The following DAPK3 variants were observed in gnomAD, a reference collection of about 807,000 sequenced individuals.
DAPK3 encodes the protein death-associated protein kinase 3.
A neutral mutation model predicts 30.6 loss-of-function variants in DAPK3; 24 were observed. That is an observed-to-expected ratio of 0.78 (90% CI 0.57 to 1.10). The LOEUF (loss-of-function observed/expected upper bound fraction) is 1.10, where lower values mean the gene tolerates loss of function less well. Ranked by LOEUF, DAPK3 falls within the 50% of genes least tolerant of loss-of-function variation. The pLI is 0.00. For synonymous variants in DAPK3, 341 were observed against 284.0 expected (o/e 1.20, Z -2.02); for missense variants, 629 against 657.3 (o/e 0.96, Z 0.47).
At chr19:3,961,191 G>A (rs1296846959) in intron 6 of DAPK3, 30 bp from the exon 7 acceptor site, 2 of 1,589,536 alleles carry the variant, frequency 1.3e-6, no homozygotes. Flanking sequence ...GCTCAGTGGG[G>A]TCCTGGGCTC....
At chr19:3,960,255 G>C (rs1277740933) in intron 7 of DAPK3, 151 bp from the exon 8 acceptor site, 12 of 613,204 alleles carry the variant, frequency 2.0e-5, no homozygotes, top group East Asian at 5.9e-5. Flanking sequence ...ACTGCAGGGA[G>C]CGTGGGGTTT....
At position 3,971,034 on chromosome 19, in the gene DAPK3, G is replaced by T. The variant is rs1159534228; in HGVS notation, c.-208C>A. ...GCCCGCTCTTTACCCTCCGCAGCCC[G>T]GAGAATACGGCCGGCGCCGCCGCGC... On this transcript the variant is annotated 5_prime_UTR_variant, in exon 1 of 9. Transcript: ENST00000545797. 2 of 153,296 alleles carry T rather than the reference G, an allele frequency of 1.3e-5. No homozygotes were observed. The highest frequency in any genetic ancestry group is 1.8e-4 in the South Asian group (1 of 5,470). 9.5% of individuals were successfully genotyped at this position (153,296 alleles called of 1,614,324 possible). A position where few individuals can be genotyped will look rare whatever the true frequency, so the allele number is the denominator to read the frequency against.
chr19:3,961,780 G>A (rs1568191135), intron 6 of DAPK3: 2 of 318,884 alleles, frequency 6.3e-6, no homozygotes, highest in African/African-American at 2.2e-5. Context: ...CGAAGGAGCT[G>A]AATGGCTAAA....
chr19:3,962,331 G>A (rs1018255871), intron 6 of DAPK3, among the ~76,000 whole-genome samples: 5 of 152,214 alleles, frequency 3.3e-5, no homozygotes, highest in African/African-American at 1.2e-4. Flanking sequence ...GAATACAAAC[G>A]GTCTAGCCCA....
chr19:3,967,445 T>C (rs1196959711), intron 2 of DAPK3, among the ~76,000 whole-genome samples: 1 of 149,416 alleles, frequency 6.7e-6, no homozygotes, highest in Non-Finnish European at 1.5e-5. Context: ...ACTGCAAGAC[T>C]CCGTCTCAAA....
intron 1 of DAPK3, among the ~76,000 whole-genome samples, chr19:3,970,168 ACCATT>A (rs1421952822): frequency 1.3e-5 from 2 of 151,962 alleles, no homozygotes; most frequent in African/African-American, 4.8e-5. Context: ...AAAATCCCCC[ACCATT>A]CCTGCACGTT....
intron 2 of DAPK3, 44 bp from the exon 3 acceptor site, chr19:3,965,035 GGAGT>G (rs746324551): frequency 1.5e-5 from 16 of 1,065,240 alleles, no homozygotes; most frequent in Non-Finnish European, 2.3e-5. Flanking sequence ...GGAGGCGGAG[GGAGT>G]AAGTGGGGGT....
intron 6 of DAPK3, among the ~76,000 whole-genome samples, chr19:3,962,092 C>A (rs892926993): frequency 6.6e-6 from 1 of 152,174 alleles, no homozygotes; most frequent in Admixed American, 6.6e-5. Context: ...GCCCTGACCT[C>A]GTGATCTGCC....
At chr19:3,964,041 G>C (rs931762894) in intron 4 of DAPK3, 122 bp from the exon 5 acceptor site, 1 of 821,556 alleles carries the variant, frequency 1.2e-6, no homozygotes, top group East Asian at 2.7e-5. Context: ...GAATGCGGCA[G>C]AGCTGGCCCT....
intron 2 of DAPK3, among the ~76,000 whole-genome samples, chr19:3,966,436 A>G (rs896931362): frequency 2.6e-5 from 4 of 152,172 alleles, no homozygotes; most frequent in Non-Finnish European, 5.9e-5. Flanking sequence ...GGTCCAGTCC[A>G]CAGGGCTCTG....
intron 2 of DAPK3, among the ~76,000 whole-genome samples, chr19:3,968,572 A>G (rs2039602868): frequency 1.3e-5 from 2 of 152,218 alleles, no homozygotes; most frequent in African/African-American, 4.8e-5. Context: ...CAATGAATTA[A>G]TTCCTAGAGG....
At chr19:3,962,965 G>A (rs950404268) in intron 6 of DAPK3, among the ~76,000 whole-genome samples, 1 of 152,044 alleles carries the variant, frequency 6.6e-6, no homozygotes, top group African/African-American at 2.4e-5. Context: ...AGCTGGGCAT[G>A]GTGGTGGGCG....
intron 8 of DAPK3, 150 bp from the exon 9 acceptor site, chr19:3,959,787 A>G: frequency 1.1e-6 from 1 of 945,862 alleles, no homozygotes; most frequent in Non-Finnish European, 1.5e-6. Flanking sequence ...CGCAAAGCCG[A>G]GAGTGCTCTC....
chr19:3,959,130 G>A lies in DAPK3; in HGVS notation c.1336C>T (p.Leu446=), dbSNP rs1444355082. ...DLVRALEQEK[L]QGVECGLR is the part of the protein sequence containing the mutation. The stretch of plus-strand genomic sequence containing the variant: ...CGCAGCCCGCACTCCACGCCCTGCA[G>A]CTTCTCCTGCTCCAGGGCGCGCACG... The change falls in exon 9 of 9, where the codon CTG becomes TTG. Residue 446 remains leucine, a synonymous_variant. Coordinates refer to ENST00000545797, the MANE Select transcript of DAPK3 (RefSeq NM_001348.3). The A allele has an allele frequency of 4.4e-6, 7 of 1,575,108 alleles. No homozygotes were observed. The African/African-American group carries it at 8.1e-5, about 18-fold the overall frequency.
chr19:3,961,890 GCT>G (rs1371192359), intron 6 of DAPK3: 1 of 202,320 alleles, frequency 4.9e-6, no homozygotes, highest in Non-Finnish European at 1.0e-5. Context: ...ACGGAGTCTC[GCT>G]CTGTCACCCA....
chr19:3,961,416 A>G, intron 6 of DAPK3: 1 of 631,550 alleles, frequency 1.6e-6, no homozygotes, highest in East Asian at 3.6e-5. Flanking sequence ...GGAGACTCGA[A>G]GTATCTGTGC....
chr19:3,963,969 G>A (rs1388784143), intron 4 of DAPK3, 50 bp from the exon 5 acceptor site: 2 of 1,252,248 alleles, frequency 1.6e-6, no homozygotes, highest in African/African-American at 1.5e-5. Flanking sequence ...GCTGGCCAAG[G>A]AAGAGGCTCA....
Position 3,959,342 on chromosome 19 carries a change from C to G in DAPK3, c.1124G>C (p.Gly375Ala). 1.3e-6 allele frequency: 2 copies of G among 1,589,166 alleles called. No homozygotes were observed. The highest frequency in any genetic ancestry group is 1.7e-6 in the Non-Finnish European group (2 of 1,175,224). Residue 375 changes from glycine (G) to alanine (A), a missense_variant, in exon 9 of 9, where the codon GGC becomes GCC. Physicochemically the swap from Gly to Ala is moderately conservative, Grantham distance 60. Coordinates refer to ENST00000545797, the MANE Select transcript of DAPK3 (RefSeq NM_001348.3). ...AWYREESDSLGQDLRRLRQEL... is the reference protein window; with the variant it reads ...AWYREESDSLAQDLRRLRQEL... ...CTGCCGTAGCCTCCGCAGGTCCTGG[C>G]CCAGGCTGTCGCTCTCCTCGCGGTA...
At chr19:3,964,207 T>C in intron 4 of DAPK3, 37 bp downstream of exon 4, 3 of 1,560,560 alleles carry the variant, frequency 1.9e-6, no homozygotes, top group Non-Finnish European at 2.6e-6. Context: ...CAGACCACCC[T>C]CCCCAGGCCG....
Sources: allele counts gnomAD v4.1 joint callset (sites outside exome capture counted in the v4.1 genomes callset), GRCh38; gene constraint gnomAD v4.1.1; transcripts MANE v1.5; gene names NCBI Gene and HGNC (gene_info 2026-07-23, HGNC 2026-07-21).